Variants in SLC38A9 observed in about 807,000 individuals in gnomAD.
The protein encoded by SLC38A9 is solute carrier family 38 member 9, also known as neutral amino acid transporter 9.
Under a neutral mutation model 62.3 loss-of-function variants are expected in SLC38A9, and 48 were observed. The ratio of observed to expected loss-of-function variants is 0.77; its 90% confidence interval spans 0.61 to 0.98. The LOEUF (loss-of-function observed/expected upper bound fraction) is 0.98, where lower values mean the gene tolerates loss of function less well. Among genes scored for constraint, SLC38A9 ranks in the 50% least tolerant of loss-of-function variants. SLC38A9 has a pLI of 0.00. For synonymous variants in SLC38A9, 204 were observed against 227.7 expected, an observed-to-expected ratio of 0.90 and a Z score of 0.94; for missense variants, 541 against 679.8, an observed-to-expected ratio of 0.80 and a Z score of 2.27.
chr5:55,686,484 A>G (rs1354576688), intron 3 of SLC38A9, among the ~76,000 whole-genome samples: 1 of 151,852 alleles, frequency 6.6e-6, no homozygotes, highest in Non-Finnish European at 1.5e-5. Flanking sequence ...TTTTCCTGTG[A>G]ATGTGTTTAA....
chr5:55,710,086 G>GAAAAAAAAAAAAAAAAAAAAAAA (rs11394301), intron 2 of SLC38A9, among the ~76,000 whole-genome samples: 1 of 118,904 alleles, frequency 8.4e-6, no homozygotes, highest in Non-Finnish European at 1.7e-5. Flanking sequence ...AAAAAAAAAA[G>GAAAAAAAAAAAAAAAAAAAAAAA]AAAAAAAAAA....
At chr5:55,660,752 C>G (rs1749369388) in intron 8 of SLC38A9, among the ~76,000 whole-genome samples, 1 of 151,906 alleles carries the variant, frequency 6.6e-6, no homozygotes, top group Non-Finnish European at 1.5e-5. Context: ...TATATGCATA[C>G]AGTTCATAAA....
intron 12 of SLC38A9, among the ~76,000 whole-genome samples, chr5:55,641,815 C>T (rs137990198): frequency 1.9e-3 from 286 of 152,332 alleles, no homozygotes; most frequent in African/African-American, 6.1e-3. Context: ...CTAATTATCA[C>T]GTGCACTTGT....
chr5:55,673,736 G>C (rs947901591), intron 3 of SLC38A9, among the ~76,000 whole-genome samples: 2 of 139,242 alleles, frequency 1.4e-5, no homozygotes, highest in Non-Finnish European at 3.0e-5. Context: ...TTTTGAGACA[G>C]AGTCTCACTC....
intron 9 of SLC38A9, among the ~76,000 whole-genome samples, chr5:55,653,369 G>A (rs553019593): frequency 6.6e-6 from 1 of 152,164 alleles, no homozygotes; most frequent in East Asian, 1.9e-4. Context: ...GATGGTATTT[G>A]GTCTTATTTA....
chr5:55,675,317 C>T (rs991804665), intron 3 of SLC38A9: 2 of 152,082 alleles, frequency 1.3e-5, no homozygotes, highest in African/African-American at 4.8e-5. Flanking sequence ...CAGTTTTCAT[C>T]GAGATGCTGA....
chr5:55,694,945 G>C (rs905534091), intron 3 of SLC38A9, among the ~76,000 whole-genome samples: 6 of 152,088 alleles, frequency 3.9e-5, no homozygotes, highest in African/African-American at 1.4e-4. Context: ...TAGAGACCAG[G>C]TTTTGCCATG....
At chr5:55,646,542 T>G (rs187101054) in intron 11 of SLC38A9, among the ~76,000 whole-genome samples, 1 of 152,154 alleles carries the variant, frequency 6.6e-6, no homozygotes, top group African/African-American at 2.4e-5. Context: ...AAAGGAATTA[T>G]GAAAGGGCAA....
chr5:55,703,172 T>G (rs7734315), intron 2 of SLC38A9, among the ~76,000 whole-genome samples: 91,371 of 151,820 alleles, frequency 0.6, 28,069 homozygotes, highest in South Asian at 0.7. Context: ...GAAAAAAAAT[T>G]TAAGTCATGA....
intron 2 of SLC38A9, among the ~76,000 whole-genome samples, chr5:55,699,405 C>G (rs1307710028): frequency 3.3e-5 from 5 of 152,188 alleles, no homozygotes; most frequent in Non-Finnish European, 7.4e-5. Context: ...GGTAGCACTT[C>G]TAGGTAACCA....
chr5:55,669,392 C>T lies in SLC38A9; in HGVS notation c.433-71G>A. 1.7e-5 allele frequency: 23 copies of T among 1,393,182 alleles called. No homozygotes were observed. In the South Asian group the frequency reaches 3.0e-4, roughly 18 times the overall value. The allele number at this position is 1,393,182 out of a possible 1,614,324, so 86.3% of individuals were successfully genotyped here. On this transcript the variant is annotated intron_variant, in intron 6 of 15. Coordinates refer to ENST00000396865, the MANE Select transcript of SLC38A9 (RefSeq NM_173514.4). ...CATAAATTCATATGCAATTATTTTA[C>T]CCTAAACAATCATGATAAAAACTTG...
At chr5:55,648,885 T>C in intron 11 of SLC38A9, among the ~76,000 whole-genome samples, 1 of 152,260 alleles carries the variant, frequency 6.6e-6, no homozygotes, top group Non-Finnish European at 1.5e-5. Context: ...TCAATAAAAA[T>C]GTTTAATTAA....
chr5:55,684,097 A>C (rs1753414414), intron 3 of SLC38A9, among the ~76,000 whole-genome samples: 1 of 152,170 alleles, frequency 6.6e-6, no homozygotes, highest in Non-Finnish European at 1.5e-5. Flanking sequence ...AACATTTTCC[A>C]CAAATTTATT....
chr5:55,677,465 C>T (rs1252624232), intron 3 of SLC38A9, among the ~76,000 whole-genome samples: 1 of 152,122 alleles, frequency 6.6e-6, no homozygotes, highest in Non-Finnish European at 1.5e-5. Context: ...GTTTAGTACT[C>T]CTCCAATGGA....
intron 3 of SLC38A9, among the ~76,000 whole-genome samples, chr5:55,679,778 A>C (rs1752730436): frequency 6.6e-6 from 1 of 152,184 alleles, no homozygotes; most frequent in African/African-American, 2.4e-5. Context: ...GCAGTTCCAA[A>C]TGGGAAATGG....
At chr5:55,684,923 G>A (rs574431547) in intron 3 of SLC38A9, among the ~76,000 whole-genome samples, 1 of 152,258 alleles carries the variant, frequency 6.6e-6, no homozygotes, top group Admixed American at 6.5e-5. Flanking sequence ...CAAGGTGCTG[G>A]GATTACAGAT....
chr5:55,696,674 G>T (rs1755801519), intron 3 of SLC38A9: 1 of 100,380 alleles, frequency 1.0e-5, no homozygotes, highest in Non-Finnish European at 2.4e-5. Context: ...TCACCTCCCG[G>T]ACGGGGCGGC....
intron 11 of SLC38A9, among the ~76,000 whole-genome samples, chr5:55,647,961 C>T (rs1264424155): frequency 6.6e-6 from 1 of 152,038 alleles, no homozygotes; most frequent in Non-Finnish European, 1.5e-5. Context: ...ACATTTTGGC[C>T]GGGTGTGGTG....
chr5:55,638,563 G>A (rs1744846210), intron 12 of SLC38A9, among the ~76,000 whole-genome samples: 2 of 152,120 alleles, frequency 1.3e-5, no homozygotes, highest in African/African-American at 4.8e-5. Context: ...TCTACAACAG[G>A]CCCAGAAGTA....
Sources: allele counts gnomAD v4.1 joint callset (sites outside exome capture counted in the v4.1 genomes callset), GRCh38; gene constraint gnomAD v4.1.1; transcripts MANE v1.5; gene names NCBI Gene and HGNC (gene_info 2026-07-23, HGNC 2026-07-21).